TTC28: variants seen among roughly 807,000 people sequenced by gnomAD.
The protein encoded by TTC28 is tetratricopeptide repeat protein 28.
TTC28 carries 61 observed loss-of-function variants against 198.0 expected under a neutral mutation model. The observed-to-expected ratio is 0.31, with a 90% CI of 0.25 to 0.38. The LOEUF is 0.38. Among genes scored for constraint, TTC28 ranks in the 10% least tolerant of loss-of-function variants. TTC28 has a pLI of 1.00. For missense variants in TTC28, 2,678 were observed against 3,164.0 expected (o/e 0.85, Z 3.69); for synonymous variants, 1,171 against 1,297.8 (o/e 0.90, Z 2.10).
In TTC28 at chr22:28,364,204, T is replaced by C. The variant is rs536402420; in HGVS notation, c.382-57561A>G. On this transcript the variant is annotated intron_variant, in intron 2 of 22. Coordinates refer to ENST00000397906, the MANE Select transcript of TTC28 (RefSeq NM_001145418.2). ...GCAAGTCTTTCCTGTGCTGTTCTCA[T>C]GATAGTAAATAAGTCTCATGAGATC... 2.0e-5 allele frequency among the ~76,000 whole-genome samples: 3 copies of C among 152,298 alleles called. No homozygotes were observed. In the South Asian group the frequency reaches 6.2e-4, roughly 32 times the overall value.
intron 5 of TTC28, among the ~76,000 whole-genome samples, chr22:28,199,578 T>C (rs1328638233): frequency 1.4e-5 from 2 of 143,616 alleles, no homozygotes; most frequent in African/African-American, 5.5e-5. Flanking sequence ...TTTGTGTGCA[T>C]GTGCACTGTG....
chr22:28,673,212 A>C (rs1485369317), intron 1 of TTC28, among the ~76,000 whole-genome samples: 1 of 152,144 alleles, frequency 6.6e-6, no homozygotes, highest in Non-Finnish European at 1.5e-5. Flanking sequence ...GTCTCTACTA[A>C]AAATACAAAA....
At chr22:28,567,479 C>CATACATATATATATATATAT (rs751694635) in intron 2 of TTC28, among the ~76,000 whole-genome samples, 11 of 51,144 alleles carry the variant, frequency 2.2e-4, no homozygotes, top group African/African-American at 7.0e-4. Flanking sequence ...TACATACATA[C>CATACATATATATATATATAT]ATATATATAT....
intron 2 of TTC28, among the ~76,000 whole-genome samples, chr22:28,608,381 G>C (rs142140338): frequency 6.6e-6 from 1 of 152,094 alleles, no homozygotes; most frequent in African/African-American, 2.4e-5. Context: ...GACTGTATTC[G>C]GCCTAACTCA....
intron 2 of TTC28, among the ~76,000 whole-genome samples, chr22:28,621,106 A>G (rs2050987252): frequency 6.6e-6 from 1 of 152,248 alleles, no homozygotes. Flanking sequence ...ACTGCTTACA[A>G]AAGTGTCTTC....
chr22:28,218,957 T>C (rs1387215143), intron 5 of TTC28, among the ~76,000 whole-genome samples: 1 of 128,038 alleles, frequency 7.8e-6, no homozygotes, highest in Non-Finnish European at 1.7e-5. Context: ...ACCAACACAG[T>C]AAAAAAAAAA....
At chr22:28,230,363 G>T (rs1207175365) in intron 5 of TTC28, among the ~76,000 whole-genome samples, 1 of 152,196 alleles carries the variant, frequency 6.6e-6, no homozygotes, top group South Asian at 2.1e-4. Context: ...AAAGCTTACT[G>T]ATCCTGCTGA....
intron 6 of TTC28, among the ~76,000 whole-genome samples, chr22:28,137,040 G>A (rs958533290): frequency 2.0e-5 from 3 of 152,196 alleles, no homozygotes; most frequent in Non-Finnish European, 4.4e-5. Flanking sequence ...AGACACATGT[G>A]ACTCTTAACC....
chr22:28,102,864 T>A (rs1426505293), intron 8 of TTC28, among the ~76,000 whole-genome samples: 2 of 152,178 alleles, frequency 1.3e-5, no homozygotes, highest in Non-Finnish European at 2.9e-5. Flanking sequence ...TTTTTAAACA[T>A]CTCACAGAAT....
chr22:28,367,619 A>G (rs571094107), intron 2 of TTC28, among the ~76,000 whole-genome samples: 5 of 152,210 alleles, frequency 3.3e-5, no homozygotes, highest in Admixed American at 2.6e-4. Flanking sequence ...AATACAATCA[A>G]TGAAACAAAA....
rs533710979 is a variant in TTC28 at position 28,014,499 on chromosome 22, C to G, written c.4074-107G>C. ...GTATGGAAGGCAGGCTGAGGCTTCACAGCAGCAACCCCGCCAGCCTCCCTC... is the reference window on the plus strand; with the variant it reads ...GTATGGAAGGCAGGCTGAGGCTTCAGAGCAGCAACCCCGCCAGCCTCCCTC... On this transcript the variant is annotated intron_variant, in intron 13 of 22. Coordinates refer to ENST00000397906, the MANE Select transcript of TTC28 (RefSeq NM_001145418.2). 442 of 1,287,126 alleles carry G rather than the reference C, an allele frequency of 3.4e-4. 1 individual carries two copies. The African/African-American group carries it at 5.9e-3, about 17-fold the overall frequency. The allele number at this position is 1,287,126 out of a possible 1,614,324, so 79.7% of individuals were successfully genotyped here. A position where few individuals can be genotyped will look rare whatever the true frequency, so the allele number is the denominator to read the frequency against.
intron 1 of TTC28, among the ~76,000 whole-genome samples, chr22:28,649,335 A>G (rs1294802317): frequency 1.3e-5 from 2 of 152,212 alleles, no homozygotes; most frequent in Non-Finnish European, 2.9e-5. Flanking sequence ...TCATCCATGT[A>G]ATCAAAAATG....
intron 12 of TTC28, among the ~76,000 whole-genome samples, chr22:28,046,119 A>G (rs1435068299): frequency 6.6e-6 from 1 of 152,264 alleles, no homozygotes; most frequent in Non-Finnish European, 1.5e-5. Flanking sequence ...ACCAATATTT[A>G]GTAGCAATGT....
chr22:28,190,615 A>C lies in TTC28; in HGVS notation c.934-27016T>G, dbSNP rs185769125. 1.0e-3 allele frequency among the ~76,000 whole-genome samples: 154 copies of C among 152,378 alleles called. 1 individual carries two copies. Among genetic ancestry groups the C allele is most frequent in the African/African-American group, 3.5e-3 (146 of 41,598 alleles). On this transcript the variant is annotated intron_variant, in intron 5 of 22. Coordinates refer to ENST00000397906, the MANE Select transcript of TTC28 (RefSeq NM_001145418.2). ...GAAACTCACATGAAAATTCAGCTTT[A>C]GAATTTCCTTGGAAACAACAACAAT... is the stretch of plus-strand genomic sequence containing the variant.
At chr22:28,077,389 C>A (rs1941203198) in intron 12 of TTC28, among the ~76,000 whole-genome samples, 1 of 152,218 alleles carries the variant, frequency 6.6e-6, no homozygotes, top group Non-Finnish European at 1.5e-5. Context: ...CTCCTGGGCT[C>A]AAGTGATCCT....
chr22:28,452,119 A>G (rs1163768649), intron 2 of TTC28, among the ~76,000 whole-genome samples: 1 of 152,016 alleles, frequency 6.6e-6, no homozygotes, highest in African/African-American at 2.4e-5. Context: ...GCCAGGCGCG[A>G]TGGCTCACGC....
intron 2 of TTC28, among the ~76,000 whole-genome samples, chr22:28,590,034 CAAAAAAAAAAAAAAA>C (rs71194779): frequency 5.0e-4 from 34 of 68,040 alleles, no homozygotes; most frequent in Admixed American, 7.3e-4. Flanking sequence ...AAGACTCCAT[CAAAAAAAAAAAAAAA>C]AAAAAAAAAA....
At chr22:28,372,900 T>C (rs1005720307) in intron 2 of TTC28, among the ~76,000 whole-genome samples, 3 of 152,174 alleles carry the variant, frequency 2.0e-5, no homozygotes, top group African/African-American at 4.8e-5. Flanking sequence ...AACAGTAAAA[T>C]GTGGTTAGCT....
At chr22:28,496,989 ATC>A (rs1024379571) in intron 2 of TTC28, among the ~76,000 whole-genome samples, 1 of 152,032 alleles carries the variant, frequency 6.6e-6, no homozygotes, top group Non-Finnish European at 1.5e-5. Flanking sequence ...ATCTGCGTGA[ATC>A]TCTCTTTCAT....
Sources: gnomAD v4.1 joint callset for allele counts (sites outside exome capture counted in the v4.1 genomes callset) on GRCh38, gnomAD v4.1.1 for gene constraint, MANE v1.5 for transcripts, NCBI Gene and HGNC (gene_info 2026-07-23, HGNC 2026-07-21) for gene names.